Variants in ETV6 observed in about 807,000 individuals in gnomAD.
ETV6 encodes the protein ETS variant transcription factor 6.
A neutral mutation model predicts 51.1 loss-of-function variants in ETV6; 16 were observed. The observed-to-expected ratio is 0.31, with a 90% confidence interval of 0.21 to 0.48. The LOEUF (loss-of-function observed/expected upper bound fraction) is 0.48, where lower values mean the gene tolerates loss of function less well. Ranked by LOEUF, ETV6 falls within the 20% of genes least tolerant of loss-of-function variation. The probability of loss-of-function intolerance (pLI) is 0.99; values close to 1 mark genes in which losing one functional copy is unlikely to be tolerated. For synonymous variants in ETV6, 240 were observed against 224.1 expected, an observed-to-expected ratio of 1.07 and a Z score of -0.64; for missense variants, 458 against 594.8, an observed-to-expected ratio of 0.77 and a Z score of 2.39.
At chr12:11,810,927 T>G (rs1945903303) in intron 2 of ETV6, among the ~76,000 whole-genome samples, 2 of 152,152 alleles carry the variant, frequency 1.3e-5, no homozygotes, top group African/African-American at 4.8e-5. Flanking sequence ...GGAATCTCAC[T>G]GTTTCACAGG....
chr12:11,820,828 TACAA>T (rs1230322299), intron 2 of ETV6, among the ~76,000 whole-genome samples: 3 of 152,092 alleles, frequency 2.0e-5, no homozygotes, highest in African/African-American at 2.4e-5. Flanking sequence ...TGATGAAACT[TACAA>T]ACAGAGGAGT....
At chr12:11,700,407 A>T (rs1864956278) in intron 1 of ETV6, among the ~76,000 whole-genome samples, 1 of 151,994 alleles carries the variant, frequency 6.6e-6, no homozygotes, top group South Asian at 2.1e-4. Flanking sequence ...AATATATGTT[A>T]TTTCCCTCTG....
chr12:11,733,016 G>A (rs536497019), intron 1 of ETV6, among the ~76,000 whole-genome samples: 29 of 152,060 alleles, frequency 1.9e-4, no homozygotes, highest in Non-Finnish European at 3.7e-4. Flanking sequence ...TGGGAAGCCC[G>A]TTCTTTAACC....
At chr12:11,872,642 C>T (rs539856201) in intron 5 of ETV6, among the ~76,000 whole-genome samples, 191 of 152,002 alleles carry the variant, frequency 1.3e-3, no homozygotes, top group African/African-American at 4.3e-3. Flanking sequence ...TACAGGCACA[C>T]GCCACCATGC....
intron 2 of ETV6, among the ~76,000 whole-genome samples, chr12:11,825,015 T>C (rs2515767): frequency 0.29 from 43,570 of 152,064 alleles, 6,553 homozygotes; most frequent in African/African-American, 0.38. Context: ...ACAAAGTTTT[T>C]ATAAGATAAA....
At chr12:11,665,758 G>A (rs772621753) in intron 1 of ETV6, among the ~76,000 whole-genome samples, 1 of 152,168 alleles carries the variant, frequency 6.6e-6, no homozygotes, top group South Asian at 2.1e-4. Context: ...AACATATCAG[G>A]ACTCCATGTC....
chr12:11,689,386 G>A (rs148800868), intron 1 of ETV6, among the ~76,000 whole-genome samples: 1 of 152,230 alleles, frequency 6.6e-6, no homozygotes, highest in African/African-American at 2.4e-5. Context: ...TCTAGGCGTC[G>A]TTTGAATATT....
At chr12:11,741,944 T>C (rs1865819709) in intron 1 of ETV6, among the ~76,000 whole-genome samples, 1 of 152,258 alleles carries the variant, frequency 6.6e-6, no homozygotes, top group Non-Finnish European at 1.5e-5. Flanking sequence ...TTTACTTGGC[T>C]ATTGGGATTG....
In ETV6 at chr12:11,893,539, T is replaced by C. The variant is rs1453676587; in HGVS notation, c.*2493T>C. 4.3e-6 allele frequency: 1 copy of C among 231,750 alleles called. No homozygotes were observed. The highest frequency in any genetic ancestry group is 8.5e-6 in the Non-Finnish European group (1 of 117,196). The allele number at this position is 231,750 out of a possible 1,614,324, so 14.4% of individuals were successfully genotyped here. On this transcript the variant is annotated 3_prime_UTR_variant, in exon 8 of 8. Transcript: ENST00000396373. The stretch of plus-strand genomic sequence containing the variant: ...TTCCCATTCAGATACAGGTTGAGCA[T>C]CCCTAATCTGAACAGTTAAAACCCC...
intron 2 of ETV6, chr12:11,825,539 A>G (rs1197936828): frequency 1.3e-5 from 2 of 152,188 alleles, no homozygotes; most frequent in African/African-American, 4.8e-5. Flanking sequence ...CTGTTTCCAT[A>G]TAAGGACACC....
intron 2 of ETV6, among the ~76,000 whole-genome samples, chr12:11,833,320 T>A (rs918273674): frequency 2.0e-5 from 3 of 152,218 alleles, no homozygotes; most frequent in Non-Finnish European, 4.4e-5. Context: ...TCAATGATAT[T>A]TAATTCACAG....
chr12:11,823,566 A>G (rs1225801221), intron 2 of ETV6, among the ~76,000 whole-genome samples: 2 of 150,092 alleles, frequency 1.3e-5, no homozygotes, highest in African/African-American at 4.9e-5. Context: ...TCCCAGGTGG[A>G]AATGATTCTC....
intron 1 of ETV6, among the ~76,000 whole-genome samples, chr12:11,687,027 A>C (rs923074171): frequency 7.9e-5 from 12 of 152,032 alleles, no homozygotes; most frequent in Non-Finnish European, 1.8e-4. Flanking sequence ...CTGGGACTAC[A>C]GGCGCACACC....
chr12:11,789,050 T>G (rs1945535365), intron 2 of ETV6, among the ~76,000 whole-genome samples: 1 of 152,192 alleles, frequency 6.6e-6, no homozygotes, highest in Non-Finnish European at 1.5e-5. Context: ...GTTGCTGTTT[T>G]GAGACAGAGG....
chr12:11,749,336 C>T (rs1865974143), intron 1 of ETV6, among the ~76,000 whole-genome samples: 1 of 114,256 alleles, frequency 8.8e-6, no homozygotes, highest in Non-Finnish European at 2.0e-5. Context: ...CACACACACA[C>T]ACACACACAC....
Position 11,869,381 on chromosome 12 carries a change from C to T in ETV6, c.464-43C>T. 6.4e-7 allele frequency: 1 copy of T among 1,555,376 alleles called. No individual in the cohort carries two copies. Among genetic ancestry groups the T allele is most frequent in the Non-Finnish European group, 8.7e-7 (1 of 1,146,636 alleles). ...AGCCGCAGGGAGTTTCCTGTCCTGC[C>T]AACTCACTGGGGTCTGTGATTGTCT... On this transcript the variant is annotated intron_variant, in intron 4 of 7. Coordinates refer to ENST00000396373, the MANE Select transcript of ETV6 (RefSeq NM_001987.5). This position sits in a 1 kb window ranked among gnomAD's most constrained non-coding sequence, Gnocchi z 5.0.
intron 1 of ETV6, among the ~76,000 whole-genome samples, chr12:11,694,335 T>C (rs1864831332): frequency 6.6e-6 from 1 of 152,226 alleles, no homozygotes; most frequent in Non-Finnish European, 1.5e-5. Context: ...ATAAGGGCTA[T>C]GTAAGATGTA....
intron 2 of ETV6, among the ~76,000 whole-genome samples, chr12:11,776,417 T>C (rs1048421510): frequency 2.6e-5 from 4 of 152,182 alleles, no homozygotes; most frequent in African/African-American, 9.7e-5. Context: ...TTTTTTTTTT[T>C]TTCTTTTTGT....
At chr12:11,771,077 T>G (rs552515209) in intron 2 of ETV6, among the ~76,000 whole-genome samples, 1 of 152,336 alleles carries the variant, frequency 6.6e-6, no homozygotes, top group East Asian at 1.9e-4. Context: ...ATATAGGAAC[T>G]CCAGTGTCTG....
Sources: gnomAD v4.1 joint callset for allele counts (sites outside exome capture counted in the v4.1 genomes callset) on GRCh38, gnomAD v4.1.1 for gene constraint, Gnocchi (gnomAD v3.1) non-coding constraint, MANE v1.5 for transcripts, NCBI Gene and HGNC (gene_info 2026-07-23, HGNC 2026-07-21) for gene names.